Variants in ERBB4 observed in about 807,000 individuals in gnomAD.
The protein encoded by ERBB4 is erb-b2 receptor tyrosine kinase 4.
A neutral mutation model predicts 158.0 loss-of-function variants in ERBB4; 42 were observed. That is an observed-to-expected ratio of 0.27 (90% confidence interval 0.21 to 0.34). ERBB4 has a LOEUF of 0.34. Ranked by LOEUF, ERBB4 falls within the 10% of genes least tolerant of loss-of-function variation. The pLI is 1.00. For synonymous variants in ERBB4, 583 were observed against 558.7 expected, an observed-to-expected ratio of 1.04 and a Z score of -0.61; for missense variants, 1,333 against 1,624.1, an observed-to-expected ratio of 0.82 and a Z score of 3.08.
chr2:212,356,680 A>G (rs1015873245), intron 1 of ERBB4, among the ~76,000 whole-genome samples: 5 of 151,278 alleles, frequency 3.3e-5, no homozygotes, highest in African/African-American at 1.2e-4. Context: ...TTTTTAAATC[A>G]TAATCACTAC....
At chr2:211,756,978 T>C (rs750100646) in intron 4 of ERBB4, among the ~76,000 whole-genome samples, 12 of 152,200 alleles carry the variant, frequency 7.9e-5, no homozygotes, top group Non-Finnish European at 1.5e-4. Context: ...AATATACATA[T>C]AGCTTTGTTT....
intron 2 of ERBB4, among the ~76,000 whole-genome samples, chr2:212,042,014 A>G (rs926670026): frequency 7.9e-5 from 12 of 152,044 alleles, no homozygotes; most frequent in Admixed American, 2.0e-4. Flanking sequence ...CCTCTTTGCC[A>G]AGAGGTTGCT....
intron 2 of ERBB4, among the ~76,000 whole-genome samples, chr2:212,092,597 TTAAC>T (rs2078811567): frequency 1.3e-5 from 2 of 152,196 alleles, no homozygotes; most frequent in Non-Finnish European, 2.9e-5. Flanking sequence ...ATATACAAAT[TTAAC>T]TAACACCAAT....
chr2:212,416,670 T>G (rs2105891253), intron 1 of ERBB4, among the ~76,000 whole-genome samples: 1 of 152,152 alleles, frequency 6.6e-6, no homozygotes, highest in African/African-American at 2.4e-5. Flanking sequence ...CCTTACATCA[T>G]TATTAGCACT....
chr2:211,620,188 G>A (rs967858277), intron 18 of ERBB4, among the ~76,000 whole-genome samples: 10 of 152,026 alleles, frequency 6.6e-5, no homozygotes, highest in African/African-American at 9.7e-5. Context: ...CCAAATGAAC[G>A]CAAAAGCAAA....
chr2:212,420,892 A>T (rs2091776208), intron 1 of ERBB4, among the ~76,000 whole-genome samples: 1 of 152,178 alleles, frequency 6.6e-6, no homozygotes, highest in Non-Finnish European at 1.5e-5. Context: ...TGTTTACTGA[A>T]AGAATGGCTA....
chr2:212,187,845 T>C lies in ERBB4; in HGVS notation c.83-62942A>G, dbSNP rs925155666. Among the ~76,000 whole-genome samples, 18 of 152,244 alleles carry C rather than the reference T, an allele frequency of 1.2e-4. 1 individual carries two copies. The highest frequency in any genetic ancestry group is 4.1e-4 in the African/African-American group (17 of 41,540). On this transcript the variant is annotated intron_variant, in intron 1 of 27. Transcript: ENST00000342788. ...CTTCAAAGTGAAATATTAGAAGTGATGTTATGAAATACAAGAAATGTGACT... is the reference window on the plus strand; with the variant it reads ...CTTCAAAGTGAAATATTAGAAGTGACGTTATGAAATACAAGAAATGTGACT...
intron 2 of ERBB4, among the ~76,000 whole-genome samples, chr2:212,009,850 C>T (rs1048545322): frequency 2.6e-5 from 4 of 152,110 alleles, no homozygotes; most frequent in Non-Finnish European, 4.4e-5. Flanking sequence ...TGTATCCTCC[C>T]ACCTGTCTGT....
chr2:212,427,750 G>A (rs561410709), intron 1 of ERBB4, among the ~76,000 whole-genome samples: 1 of 152,204 alleles, frequency 6.6e-6, no homozygotes, highest in South Asian at 2.1e-4. Context: ...GAAAGAAATT[G>A]GTCTGCCTGT....
chr2:212,140,918 T>G (rs16847780), intron 1 of ERBB4, among the ~76,000 whole-genome samples: 16,645 of 150,506 alleles, frequency 0.11, 1,397 homozygotes, highest in African/African-American at 0.24. Flanking sequence ...AATACCATAA[T>G]TTCTGTGTAT....
intron 19 of ERBB4, among the ~76,000 whole-genome samples, chr2:211,571,041 CTTTTTTTT>C (rs549254649): frequency 0.048 from 5,226 of 109,112 alleles, 256 homozygotes; most frequent in African/African-American, 0.14. Flanking sequence ...TACTCTTCTT[CTTTTTTTT>C]TTTTTTTTTT....
At chr2:211,675,474 G>A (rs1422721255) in intron 13 of ERBB4, among the ~76,000 whole-genome samples, 1 of 151,988 alleles carries the variant, frequency 6.6e-6, no homozygotes, top group Non-Finnish European at 1.5e-5. Context: ...CTTAGAAGGA[G>A]CTTAGTCTGG....
intron 26 of ERBB4, 48 bp from the exon 27 acceptor site, chr2:211,387,198 G>T: frequency 7.2e-7 from 1 of 1,381,698 alleles, no homozygotes; most frequent in Non-Finnish European, 1.0e-6. Flanking sequence ...GTTAGAAATA[G>T]TTTAAAAATG....
chr2:211,490,759 C>T (rs2065320750), intron 20 of ERBB4, among the ~76,000 whole-genome samples: 1 of 152,124 alleles, frequency 6.6e-6, no homozygotes, highest in South Asian at 2.1e-4. Flanking sequence ...CCTTATTGCC[C>T]TCTTACAGCT....
intron 20 of ERBB4, among the ~76,000 whole-genome samples, chr2:211,529,621 C>T (rs1371660916): frequency 6.6e-6 from 1 of 152,016 alleles, no homozygotes; most frequent in Non-Finnish European, 1.5e-5. Context: ...AAGCCAAATT[C>T]AACAACATAT....
intron 1 of ERBB4, among the ~76,000 whole-genome samples, chr2:212,228,677 AC>A (rs1461092172): frequency 6.8e-6 from 1 of 146,798 alleles, no homozygotes; most frequent in African/African-American, 2.7e-5. Flanking sequence ...AAATCAGTAA[AC>A]CCCACCTTGC....
chr2:212,131,866 T>C (rs2080116908), intron 1 of ERBB4, among the ~76,000 whole-genome samples: 1 of 152,154 alleles, frequency 6.6e-6, no homozygotes, highest in Non-Finnish European at 1.5e-5. Context: ...ACTGAGGTGC[T>C]TGCTGAAGGC....
chr2:212,161,711 T>A (rs1469473752), intron 1 of ERBB4, among the ~76,000 whole-genome samples: 2 of 151,870 alleles, frequency 1.3e-5, no homozygotes, highest in African/African-American at 4.8e-5. Context: ...TTATTTACCA[T>A]CTGGCAGTAC....
chr2:211,718,573 C>T (rs1377909826), intron 7 of ERBB4, among the ~76,000 whole-genome samples: 1 of 152,110 alleles, frequency 6.6e-6, no homozygotes, highest in African/African-American at 2.4e-5. Flanking sequence ...AGTTTGTGTA[C>T]ACTGAACCAT....
Sources: gnomAD v4.1 joint callset for allele counts (sites outside exome capture counted in the v4.1 genomes callset) on GRCh38, gnomAD v4.1.1 for gene constraint, MANE v1.5 for transcripts, NCBI Gene and HGNC (gene_info 2026-07-23, HGNC 2026-07-21) for gene names.